Variants in RNGTT observed in about 807,000 individuals in gnomAD.
RNGTT encodes mRNA-capping enzyme.
Under a neutral mutation model 79.3 loss-of-function variants are expected in RNGTT, and 33 were observed. The ratio of observed to expected loss-of-function variants is 0.42; its 90% confidence interval spans 0.32 to 0.56. The LOEUF (loss-of-function observed/expected upper bound fraction) is 0.56. Among genes scored for constraint, RNGTT ranks in the 20% least tolerant of loss-of-function variants. RNGTT has a pLI of 0.17. For missense variants in RNGTT, 497 were observed against 739.1 expected (o/e 0.67, Z 3.80); for synonymous variants, 222 against 235.9 (o/e 0.94, Z 0.54).
intron 13 of RNGTT, among the ~76,000 whole-genome samples, chr6:88,753,053 T>A (rs186771902): frequency 2.6e-5 from 4 of 152,094 alleles, no homozygotes; most frequent in Admixed American, 2.6e-4. Flanking sequence ...AATTAACTTT[T>A]AAAAAAACAA....
At chr6:88,690,270 C>T (rs185569053) in intron 13 of RNGTT, among the ~76,000 whole-genome samples, 1 of 151,864 alleles carries the variant, frequency 6.6e-6, no homozygotes, top group Admixed American at 6.6e-5. Flanking sequence ...AGCATTGTAC[C>T]AATGTTTATT....
intron 13 of RNGTT, among the ~76,000 whole-genome samples, chr6:88,738,550 G>A (rs1363768989): frequency 1.3e-5 from 2 of 152,148 alleles, no homozygotes; most frequent in Non-Finnish European, 2.9e-5. Flanking sequence ...GAAGGCTGAG[G>A]CAAGAGAATC....
In RNGTT at chr6:88,678,394, G is replaced by A; in HGVS notation, c.1465C>T (p.Leu489=). ...EGLLPQNVGL[L]YVGGYERPFA... ...GGTCTTTCATAACCTCCAACATACA[G>A]GAGGCCAACATTCTGAGGAAGTAAC... is the stretch of plus-strand genomic sequence containing the variant. The change falls in exon 14 of 16, where the codon CTG becomes TTG. Residue 489 remains leucine (L), a synonymous_variant. Transcript: ENST00000369485. 6.8e-7 allele frequency: 1 copy of A among 1,460,480 alleles called. No homozygotes were observed. Among genetic ancestry groups the A allele is most frequent in the Admixed American group, 2.3e-5 (1 of 43,966 alleles). 90.5% of individuals were successfully genotyped at this position (1,460,480 alleles called of 1,614,324 possible).
intron 14 of RNGTT, among the ~76,000 whole-genome samples, chr6:88,671,130 A>C (rs1774623829): frequency 1.3e-5 from 2 of 152,234 alleles, no homozygotes; most frequent in African/African-American, 4.8e-5. Context: ...AAATAAATAA[A>C]GGGCATCCAA....
chr6:88,801,130 G>A (rs527587295), intron 12 of RNGTT, among the ~76,000 whole-genome samples: 1 of 152,302 alleles, frequency 6.6e-6, no homozygotes, highest in Admixed American at 6.5e-5. Context: ...TCTTTCTCAA[G>A]TAGTGACAAA....
At chr6:88,949,179 G>GAAAAAAAAAAAAAA (rs1785157048) in intron 1 of RNGTT, among the ~76,000 whole-genome samples, 4 of 51,326 alleles carry the variant, frequency 7.8e-5, no homozygotes, top group African/African-American at 3.3e-4. Context: ...AAAAAAAAAA[G>GAAAAAAAAAAAAAA]AAAATGAAAA....
intron 14 of RNGTT, among the ~76,000 whole-genome samples, chr6:88,638,662 C>T (rs755872841): frequency 1.6e-4 from 24 of 152,140 alleles, no homozygotes; most frequent in Non-Finnish European, 7.4e-5. Flanking sequence ...ACAAAAGATT[C>T]TAGAAAATAA....
intron 11 of RNGTT, among the ~76,000 whole-genome samples, chr6:88,840,685 C>A (rs1485283659): frequency 6.6e-6 from 1 of 152,198 alleles, no homozygotes; most frequent in Non-Finnish European, 1.5e-5. Flanking sequence ...AGGTGTGAGC[C>A]ACCACGCCTA....
intron 13 of RNGTT, among the ~76,000 whole-genome samples, chr6:88,690,943 A>G (rs983971468): frequency 1.3e-5 from 2 of 152,140 alleles, no homozygotes; most frequent in African/African-American, 4.8e-5. Flanking sequence ...AAGTGCCTAT[A>G]TATAATATTA....
At chr6:88,787,666 A>C (rs1276423603) in intron 12 of RNGTT, among the ~76,000 whole-genome samples, 1 of 91,742 alleles carries the variant, frequency 1.1e-5, no homozygotes, top group African/African-American at 6.4e-5. Context: ...TTTCAAAAAC[A>C]AAAAAAAAAA....
chr6:88,769,469 T>C (rs1366101715), intron 13 of RNGTT, among the ~76,000 whole-genome samples: 1 of 152,012 alleles, frequency 6.6e-6, no homozygotes, highest in East Asian at 1.9e-4. Flanking sequence ...CAAAATTCGT[T>C]TTTTAATATT....
At chr6:88,819,317 C>T (rs536519014) in intron 11 of RNGTT, among the ~76,000 whole-genome samples, 16 of 151,998 alleles carry the variant, frequency 1.1e-4, no homozygotes, top group Non-Finnish European at 1.9e-4. Flanking sequence ...GTTACACTCA[C>T]AGATACAGTA....
At chr6:88,706,584 C>T (rs919209038) in intron 13 of RNGTT, among the ~76,000 whole-genome samples, 14 of 152,066 alleles carry the variant, frequency 9.2e-5, no homozygotes, top group South Asian at 2.1e-4. Context: ...AAAACTCTTT[C>T]GACTAGCACT....
intron 13 of RNGTT, among the ~76,000 whole-genome samples, chr6:88,681,005 T>C (rs562583142): frequency 2.0e-5 from 3 of 152,124 alleles, no homozygotes; most frequent in Non-Finnish European, 2.9e-5. Context: ...AATAAGAAAT[T>C]AACCAACAAA....
At chr6:88,629,574 T>C (rs189398748) in intron 14 of RNGTT, among the ~76,000 whole-genome samples, 1 of 152,112 alleles carries the variant, frequency 6.6e-6, no homozygotes, top group African/African-American at 2.4e-5. Flanking sequence ...CCAGTGAGGG[T>C]AAGGAGAATG....
At chr6:88,930,548 T>TA (rs2127954432) in intron 2 of RNGTT, among the ~76,000 whole-genome samples, 1 of 151,250 alleles carries the variant, frequency 6.6e-6, no homozygotes, top group East Asian at 1.9e-4. Flanking sequence ...GGTAAATTGT[T>TA]TAAAAAAAAG....
In RNGTT at chr6:88,664,520, A is replaced by AG. The variant is rs571573376; in HGVS notation, c.1506+13832_1506+13833insC. Among the ~76,000 whole-genome samples, 296 of 152,322 alleles carry AG rather than the reference A, an allele frequency of 1.9e-3. 4 individuals carry two copies. Among genetic ancestry groups the AG allele is most frequent in the African/African-American group, 7.0e-3 (290 of 41,572 alleles). ...AGAGCCGCAAAGAAGGTGAATGCCA[A>AG]CCCGGTGAAATGCTGACCTACTAGC... On this transcript the variant is annotated intron_variant, in intron 14 of 15. Transcript: ENST00000369485.
chr6:88,720,537 C>T, intron 13 of RNGTT, among the ~76,000 whole-genome samples: 1 of 151,956 alleles, frequency 6.6e-6, no homozygotes, highest in Non-Finnish European at 1.5e-5. Context: ...AAAAACTTAC[C>T]CTCCCAATCA....
chr6:88,689,741 T>C lies in RNGTT; in HGVS notation c.1440-11322A>G, dbSNP rs113192343. Among the ~76,000 whole-genome samples the C allele has an allele frequency of 2.0e-3, 302 of 151,838 alleles. 2 individuals are homozygous for C. The highest frequency in any genetic ancestry group is 7.1e-3 in the African/African-American group (296 of 41,402). On this transcript the variant is annotated intron_variant, in intron 13 of 15. Coordinates refer to ENST00000369485, the MANE Select transcript of RNGTT (RefSeq NM_003800.5). ...TTTAAAATATTTACCAAACTGAAATTTAAAACCACCACAGTAATAATTGTT... is the reference window on the plus strand; with the variant it reads ...TTTAAAATATTTACCAAACTGAAATCTAAAACCACCACAGTAATAATTGTT...
Sources: allele counts gnomAD v4.1 joint callset (sites outside exome capture counted in the v4.1 genomes callset), GRCh38; gene constraint gnomAD v4.1.1; transcripts MANE v1.5; gene names NCBI Gene and HGNC (gene_info 2026-07-23, HGNC 2026-07-21).